TMPRSS2: variants seen among roughly 807,000 people sequenced by gnomAD.
The protein encoded by TMPRSS2 is transmembrane protease serine 2.
Under a neutral mutation model 67.4 loss-of-function variants are expected in TMPRSS2, and 59 were observed. The observed-to-expected ratio is 0.88, with a 90% CI of 0.71 to 1.09. TMPRSS2 has a LOEUF of 1.09. Ranked by LOEUF, TMPRSS2 falls within the 50% of genes least tolerant of loss-of-function variation. The pLI is 0.00. For synonymous variants in TMPRSS2, 257 were observed against 257.0 expected, an observed-to-expected ratio of 1.00 and a Z score of 0.00; for missense variants, 668 against 642.7, an observed-to-expected ratio of 1.04 and a Z score of -0.43.
rs768756887 is a variant in TMPRSS2, at chr21:41,473,492, G to T, written c.732C>A (p.Cys244Ter). 1.2e-6 allele frequency: 2 copies of T among 1,605,976 alleles called. No homozygotes were observed. The highest frequency in any genetic ancestry group is 1.1e-5 in the South Asian group (1 of 90,190). Residue 244 changes from cysteine (C) to a stop codon, truncating the protein, a stop_gained, in exon 9 of 14, where the codon TGC (cysteine) becomes TGA (stop). Transcript: ENST00000332149. LOFTEE classifies it high-confidence loss of function. ...GGCGGCTTGAGTTCAAGTTGACCCC[G>T]CAGGCTGAGGATGACAAACAGGAGG... ...KAVVSLRCIA[C>*]GVNLNSSRQS...
intron 1 of TMPRSS2, among the ~76,000 whole-genome samples, chr21:41,499,305 T>C (rs752048475): frequency 1.3e-5 from 2 of 152,226 alleles, no homozygotes; most frequent in Non-Finnish European, 2.9e-5. Flanking sequence ...AAATGCTGTA[T>C]AGTAAAGCCG....
chr21:41,489,745 T>C (rs2091322260), intron 3 of TMPRSS2, 152 bp from the exon 4 acceptor site: 3 of 601,144 alleles, frequency 5.0e-6, no homozygotes, highest in Admixed American at 3.1e-5. Flanking sequence ...AGAAATATCA[T>C]GGACGATCCT....
intron 3 of TMPRSS2, among the ~76,000 whole-genome samples, chr21:41,493,109 T>C (rs1250631302): frequency 1.3e-5 from 2 of 152,112 alleles, no homozygotes; most frequent in African/African-American, 4.8e-5. Context: ...ACCCACACTG[T>C]CTCCAGACAC....
Position 41,494,370 on chromosome 21 carries a change from G to A in TMPRSS2, c.224C>T (p.Thr75Ile), listed in dbSNP as rs61735793. The change falls in exon 3 of 14, where the codon ACA becomes ATA. Residue 75 changes from threonine (T) to isoleucine (I), a missense_variant. Thr to Ile is a moderately conservative substitution (Grantham distance 89). Transcript: ENST00000332149. ...GAGAATCCTACTTGAGGTGCACACT[G>A]TCCCGGATGGGGATTTGGGCTGCGT... ...VCTQPKSPSG[T>I]VCTSKTKKAL... The A allele has an allele frequency of 9.0e-3, 14,516 of 1,610,790 alleles. 95 individuals are homozygous for A. The highest frequency in any genetic ancestry group is 0.01 in the Non-Finnish European group (12,240 of 1,179,214).
At chr21:41,467,421 G>C (rs2091094507) in intron 13 of TMPRSS2, among the ~76,000 whole-genome samples, 1 of 151,738 alleles carries the variant, frequency 6.6e-6, no homozygotes. Context: ...ATGTGAGGTG[G>C]CCTGGGTGGA....
At chr21:41,483,096 C>T (rs767673512) in intron 5 of TMPRSS2, among the ~76,000 whole-genome samples, 4 of 152,138 alleles carry the variant, frequency 2.6e-5, no homozygotes, top group Non-Finnish European at 5.9e-5. Flanking sequence ...GACTTCAGTT[C>T]ATCATAATGT....
chr21:41,480,640 T>C (rs748913260), intron 5 of TMPRSS2, 38 bp from the exon 6 acceptor site: 2 of 1,606,016 alleles, frequency 1.2e-6, no homozygotes, highest in South Asian at 2.2e-5. Flanking sequence ...GTTTCTTTCT[T>C]TTTTTTTCTT....
intron 2 of TMPRSS2, among the ~76,000 whole-genome samples, chr21:41,495,518 G>C (rs942110402): frequency 6.6e-6 from 1 of 151,810 alleles, no homozygotes; most frequent in African/African-American, 2.4e-5. Flanking sequence ...CCAGCTGCTT[G>C]GGAGGCCGAG....
At chr21:41,473,544 G>T in intron 8 of TMPRSS2, 48 bp from the exon 9 acceptor site, 3 of 1,555,350 alleles carry the variant, frequency 1.9e-6, no homozygotes, top group Non-Finnish European at 2.6e-6. Context: ...AGCAGAAGCC[G>T]CCCAGCCACC....
intron 11 of TMPRSS2, 128 bp downstream of exon 11, chr21:41,470,519 TG>T (rs1009306976): frequency 6.3e-6 from 5 of 795,246 alleles, no homozygotes; most frequent in Middle Eastern, 2.3e-4. Flanking sequence ...GCACAAGGAC[TG>T]GGGGAATCAA....
intron 11 of TMPRSS2, among the ~76,000 whole-genome samples, chr21:41,470,246 G>C (rs2091120111): frequency 6.6e-6 from 1 of 152,138 alleles, no homozygotes; most frequent in African/African-American, 2.4e-5. Context: ...GCAGAGGACA[G>C]GCTTAGATGT....
At chr21:41,470,486 A>C (rs1290453439) in intron 11 of TMPRSS2, among the ~76,000 whole-genome samples, 162 bp downstream of exon 11, 1 of 152,218 alleles carries the variant, frequency 6.6e-6, no homozygotes, top group Non-Finnish European at 1.5e-5. Context: ...GATTTCTCCC[A>C]CTTAGCAGAT....
At chr21:41,503,234 A>AC (rs1462530437) in intron 1 of TMPRSS2, among the ~76,000 whole-genome samples, 4 of 152,172 alleles carry the variant, frequency 2.6e-5, no homozygotes, top group African/African-American at 7.2e-5. Context: ...ACAGTGGGTG[A>AC]CCTCCCAGGA....
intron 9 of TMPRSS2, 31 bp downstream of exon 9, chr21:41,473,294 C>A: frequency 2.6e-6 from 4 of 1,548,188 alleles, no homozygotes; most frequent in Non-Finnish European, 3.5e-6. Flanking sequence ...AGCCCTGAGC[C>A]CCCACCCGGC....
At chr21:41,472,143 C>A (rs1377336962) in intron 9 of TMPRSS2, among the ~76,000 whole-genome samples, 162 bp from the exon 10 acceptor site, 2 of 150,076 alleles carry the variant, frequency 1.3e-5, no homozygotes, top group Admixed American at 1.3e-4. Context: ...CTCCCCTTCT[C>A]CCCCACACTC....
chr21:41,504,863 C>G (rs1466118421), intron 1 of TMPRSS2, among the ~76,000 whole-genome samples: 1 of 152,192 alleles, frequency 6.6e-6, no homozygotes, highest in Non-Finnish European at 1.5e-5. Context: ...TCCTGCACCC[C>G]AATCCTGAGG....
intron 9 of TMPRSS2, 144 bp from the exon 10 acceptor site, chr21:41,472,125 T>G (rs458280): frequency 0.96 from 624,884 of 654,016 alleles, 301,450 homozygotes; most frequent in African/African-American, 0.99. Flanking sequence ...GTGGAAGAGG[T>G]GCTCGGTCTC....
chr21:41,480,763 C>T (rs1459287780), intron 5 of TMPRSS2, among the ~76,000 whole-genome samples, 161 bp from the exon 6 acceptor site: 6 of 152,162 alleles, frequency 3.9e-5, no homozygotes, highest in African/African-American at 7.2e-5. Flanking sequence ...CTCAGCCTCC[C>T]GAGTAGCTGG....
chr21:41,467,625 T>G (rs2091096132), intron 13 of TMPRSS2, 109 bp downstream of exon 13: 1 of 1,348,572 alleles, frequency 7.4e-7, no homozygotes, highest in Admixed American at 1.9e-5. Flanking sequence ...TGCTTCATGC[T>G]GACCAGTGGT....
Sources: allele counts gnomAD v4.1 joint callset (sites outside exome capture counted in the v4.1 genomes callset), GRCh38; gene constraint gnomAD v4.1.1; transcripts MANE v1.5; gene names NCBI Gene and HGNC (gene_info 2026-07-23, HGNC 2026-07-21).